ASH2L: variants seen among roughly 807,000 people sequenced by gnomAD.
The protein encoded by ASH2L is ASH2 like, histone lysine methyltransferase complex subunit.
In ASH2L, 30 loss-of-function variants were observed where a neutral mutation model predicts 81.1. The observed-to-expected ratio is 0.37, with a 90% CI of 0.28 to 0.50. The LOEUF (loss-of-function observed/expected upper bound fraction) is 0.50, where lower values mean the gene tolerates loss of function less well. Ranked by LOEUF, ASH2L falls within the 20% of genes least tolerant of loss-of-function variation. ASH2L has a pLI of 0.95. For synonymous variants in ASH2L, 273 were observed against 279.9 expected (o/e 0.98, Z 0.24); for missense variants, 559 against 792.1 (o/e 0.71, Z 3.53).
At chr8:38,137,092 CAA>C (rs1233717332) in intron 14 of ASH2L, among the ~76,000 whole-genome samples, 10 of 72,068 alleles carry the variant, frequency 1.4e-4, no homozygotes, top group Admixed American at 3.4e-4. Flanking sequence ...GACTCCGTCT[CAA>C]AAAAAAAAAA....
intron 6 of ASH2L, 130 bp from the exon 7 acceptor site, chr8:38,114,775 A>G (rs1810825542): frequency 1.6e-6 from 1 of 624,052 alleles, no homozygotes; most frequent in South Asian, 2.3e-5. Flanking sequence ...TATTTCTTAG[A>G]AGGAAAAACG....
Position 38,110,357 on chromosome 8 carries a change from G to A in ASH2L, c.402-22G>A, listed in dbSNP as rs372439679. 819 of 1,571,012 alleles carry A rather than the reference G, an allele frequency of 5.2e-4. 1 individual carries two copies. Among genetic ancestry groups the A allele is most frequent in the Non-Finnish European group, 6.2e-4 (710 of 1,141,042 alleles). ...TGTGTGTTCACAAGTTCACTAATTC[G>A]TATAATTTGGCTCTTCGGCAGATCC... On this transcript the variant is annotated intron_variant, in intron 3 of 15. Coordinates refer to ENST00000343823, the MANE Select transcript of ASH2L (RefSeq NM_004674.5).
chr8:38,119,170 A>G, intron 8 of ASH2L, 100 bp from the exon 9 acceptor site: 1 of 1,044,608 alleles, frequency 9.6e-7, no homozygotes, highest in Non-Finnish European at 1.4e-6. Context: ...CTGTGGTGTT[A>G]CACAAATGCA....
chr8:38,117,007 T>A (rs1810931538), intron 8 of ASH2L, among the ~76,000 whole-genome samples: 1 of 152,246 alleles, frequency 6.6e-6, no homozygotes, highest in South Asian at 2.1e-4. Context: ...TGTATCCTTA[T>A]AACTAACATT....
intron 3 of ASH2L, among the ~76,000 whole-genome samples, chr8:38,109,891 G>A (rs1005426536): frequency 6.6e-6 from 1 of 151,980 alleles, no homozygotes; most frequent in African/African-American, 2.4e-5. Context: ...TAAACTTAAC[G>A]AGATACCAGT....
chr8:38,120,410 CTTAT>C (rs1230564985), intron 9 of ASH2L, among the ~76,000 whole-genome samples: 1 of 151,938 alleles, frequency 6.6e-6, no homozygotes, highest in Non-Finnish European at 1.5e-5. Context: ...ATCCAGGTTG[CTTAT>C]TTATTTATAT....
At chr8:38,107,202 G>A (rs151151483) in intron 3 of ASH2L, 36 bp downstream of exon 3, 139 of 1,609,154 alleles carry the variant, frequency 8.6e-5, no homozygotes, top group Admixed American at 1.2e-4. Context: ...AGAATTGCTC[G>A]GTAAAATAAA....
At position 38,105,546 on chromosome 8, in the gene ASH2L, C is replaced by T. The variant is rs754865612; in HGVS notation, c.-5C>T. 18 of 1,558,266 alleles carry T rather than the reference C, an allele frequency of 1.2e-5. No individual in the cohort carries two copies. In the Admixed American group the frequency reaches 2.5e-4, roughly 22 times the overall value. ...ATTCTCGCGAGAAGTCCAGGGGTGG[C>T]CGTGATGGCGGCGGCAGGAGCAGGA... On this transcript the variant is annotated 5_prime_UTR_variant, in exon 1 of 16. Transcript: ENST00000343823.
At chr8:38,126,560 G>C (rs1801851455) in intron 10 of ASH2L, among the ~76,000 whole-genome samples, 1 of 152,060 alleles carries the variant, frequency 6.6e-6, no homozygotes, top group East Asian at 1.9e-4. Flanking sequence ...TTTTTTGAAA[G>C]TTTGAAATTG....
At chr8:38,113,961 A>G (rs1304436894) in intron 5 of ASH2L, among the ~76,000 whole-genome samples, 1 of 152,246 alleles carries the variant, frequency 6.6e-6, no homozygotes, top group African/African-American at 2.4e-5. Context: ...TACATGGCTA[A>G]GGTTTGTTTA....
chr8:38,120,498 G>A (rs1811092314), intron 9 of ASH2L, among the ~76,000 whole-genome samples: 1 of 151,052 alleles, frequency 6.6e-6, no homozygotes, highest in South Asian at 2.1e-4. Flanking sequence ...CACTGCACAA[G>A]TTATTTACTT....
intron 9 of ASH2L, 24 bp downstream of exon 9, chr8:38,119,387 C>G: frequency 5.4e-6 from 8 of 1,485,564 alleles, no homozygotes; most frequent in Non-Finnish European, 7.2e-6. Flanking sequence ...CCACCCTGCC[C>G]CCCTCACTAT....
chr8:38,131,464 C>T (rs1802055006), intron 12 of ASH2L, among the ~76,000 whole-genome samples: 3 of 151,870 alleles, frequency 2.0e-5, no homozygotes, highest in Non-Finnish European at 4.4e-5. Flanking sequence ...GGCAACATGG[C>T]GAAACCCTGT....
At chr8:38,107,191 G>C (rs968315407) in intron 3 of ASH2L, 25 bp downstream of exon 3, 2 of 1,611,718 alleles carry the variant, frequency 1.2e-6, no homozygotes, top group African/African-American at 2.7e-5. Flanking sequence ...TAGTTTTTGT[G>C]AGAATTGCTC....
At chr8:38,121,508 T>A (rs1463342063) in intron 10 of ASH2L, among the ~76,000 whole-genome samples, 1 of 151,842 alleles carries the variant, frequency 6.6e-6, no homozygotes, top group Non-Finnish European at 1.5e-5. Flanking sequence ...TTATCAAAAC[T>A]GGGAAATTAA....
chr8:38,119,267 A>C lies in ASH2L; in HGVS notation c.854-3A>C, dbSNP rs773318777. The C allele has an allele frequency of 6.5e-7, 1 of 1,549,014 alleles. No homozygotes were observed. Among genetic ancestry groups the C allele is most frequent in the African/African-American group, 1.4e-5 (1 of 72,812 alleles). On this transcript the variant is annotated splice_region_variant and splice_polypyrimidine_tract_variant and intron_variant, in intron 8 of 15. Transcript: ENST00000343823. Reference sequence around the variant, plus strand: ...TTGAAAGCAATCTGCCTTCTCTTCAAAGGGGGAATTGCAGCAGGAAGCAGC... The same window carrying C: ...TTGAAAGCAATCTGCCTTCTCTTCACAGGGGGAATTGCAGCAGGAAGCAGC...
At position 38,105,613 on chromosome 8, in the gene ASH2L, C is replaced by A. The variant is rs1585557834; in HGVS notation, c.63C>A (p.Val21=). The A allele has an allele frequency of 6.2e-7, 1 of 1,603,780 alleles. No individual in the cohort carries two copies. ...EAGAGPGPGA[V]ANATGAEEGE... is the part of the protein sequence containing the mutation. ...GTGCCGGGCCTGGCCCAGGAGCGGT[C>A]GCAAATGCAACAGGGGCAGAAGAGG... Residue 21 remains valine, a synonymous_variant, in exon 1 of 16, where the codon GTC becomes GTA. Transcript: ENST00000343823.
intron 7 of ASH2L, among the ~76,000 whole-genome samples, chr8:38,115,342 T>C (rs1287913384): frequency 6.6e-6 from 1 of 152,248 alleles, no homozygotes; most frequent in African/African-American, 2.4e-5. Flanking sequence ...TTAAAAACTT[T>C]CTTTGTTGTG....
At chr8:38,111,441 G>A (rs1337737189) in intron 5 of ASH2L, among the ~76,000 whole-genome samples, 1 of 151,788 alleles carries the variant, frequency 6.6e-6, no homozygotes, top group Admixed American at 6.6e-5. Context: ...AAGGTGGAAT[G>A]TAGTGACACC....
Sources: gnomAD v4.1 joint callset for allele counts (sites outside exome capture counted in the v4.1 genomes callset) on GRCh38, gnomAD v4.1.1 for gene constraint, MANE v1.5 for transcripts, NCBI Gene and HGNC (gene_info 2026-07-23, HGNC 2026-07-21) for gene names.